MAGI2: variants seen among roughly 807,000 people sequenced by gnomAD.
MAGI2 encodes the protein membrane-associated guanylate kinase, WW and PDZ domain-containing protein 2.
A neutral mutation model predicts 133.3 loss-of-function variants in MAGI2; 35 were observed. The observed-to-expected ratio is 0.26, with a 90% confidence interval of 0.20 to 0.35. MAGI2 has a LOEUF of 0.35. Ranked by LOEUF, MAGI2 falls within the 10% of genes least tolerant of loss-of-function variation. The probability of loss-of-function intolerance (pLI) is 1.00; values close to 1 mark genes in which losing one functional copy is unlikely to be tolerated. For missense variants in MAGI2, 1,636 were observed against 1,863.4 expected (o/e 0.88, Z 2.25); for synonymous variants, 729 against 710.6 (o/e 1.03, Z -0.41).
intron 6 of MAGI2, among the ~76,000 whole-genome samples, chr7:78,449,341 T>G (rs774960187): frequency 6.6e-6 from 1 of 152,088 alleles, no homozygotes; most frequent in Admixed American, 6.6e-5. Flanking sequence ...ATCTGCACTA[T>G]TGTTTACTTA....
chr7:79,228,621 T>C (rs1389307161), intron 1 of MAGI2, among the ~76,000 whole-genome samples: 1 of 152,046 alleles, frequency 6.6e-6, no homozygotes, highest in East Asian at 1.9e-4. Context: ...CAATGAAAAC[T>C]AAGAAAATGA....
intron 3 of MAGI2, among the ~76,000 whole-genome samples, chr7:78,569,384 T>C (rs908065077): frequency 4.6e-5 from 7 of 152,202 alleles, no homozygotes; most frequent in Non-Finnish European, 1.0e-4. Context: ...CATATTTCAC[T>C]TGAATTTGCT....
chr7:78,534,270 G>A (rs1323278527), intron 3 of MAGI2, among the ~76,000 whole-genome samples: 1 of 152,126 alleles, frequency 6.6e-6, no homozygotes, highest in Non-Finnish European at 1.5e-5. Context: ...AAAAAAAATT[G>A]GAATTATGAT....
intron 2 of MAGI2, among the ~76,000 whole-genome samples, chr7:78,892,974 T>C (rs1207096710): frequency 6.6e-6 from 1 of 152,122 alleles, no homozygotes; most frequent in Non-Finnish European, 1.5e-5. Flanking sequence ...TTTCACAACC[T>C]ACTCATCTGA....
intron 21 of MAGI2, among the ~76,000 whole-genome samples, chr7:78,038,596 T>A (rs2151079222): frequency 6.6e-6 from 1 of 152,162 alleles, no homozygotes; most frequent in East Asian, 1.9e-4. Flanking sequence ...CTAGACCCAC[T>A]GAATCTGAAT....
At chr7:79,118,269 C>A (rs1819580179) in intron 1 of MAGI2, among the ~76,000 whole-genome samples, 2 of 152,116 alleles carry the variant, frequency 1.3e-5, no homozygotes, top group African/African-American at 4.8e-5. Context: ...TGGGTGTACA[C>A]TTTATGGTCA....
chr7:79,124,793 T>G, intron 1 of MAGI2: 1 of 160,766 alleles, frequency 6.2e-6, no homozygotes, highest in Non-Finnish European at 1.4e-5. Context: ...GTTGGGGGAG[T>G]TGAGCTTTGA....
intron 15 of MAGI2, among the ~76,000 whole-genome samples, chr7:78,161,373 G>C (rs1824959693): frequency 6.6e-6 from 1 of 152,116 alleles, no homozygotes; most frequent in South Asian, 2.1e-4. Flanking sequence ...AATGTAATTA[G>C]AAATAGGGTT....
chr7:79,255,180 G>T (rs1054677904), intron 1 of MAGI2, among the ~76,000 whole-genome samples: 13 of 152,128 alleles, frequency 8.5e-5, no homozygotes, highest in Non-Finnish European at 1.8e-4. Flanking sequence ...CCATGAAAAA[G>T]AGTGGGAGAC....
rs375350828 is a variant in MAGI2 at position 78,695,931 on chromosome 7, A to AT, written c.419-68693dup. 3.4e-3 allele frequency among the ~76,000 whole-genome samples: 510 copies of AT among 149,930 alleles called. 5 individuals carry two copies. Among genetic ancestry groups the AT allele is most frequent in the African/African-American group, 0.011 (468 of 40,824 alleles). ...CTTCTCATTGTATACCACATAGTTC[A>AT]TTTTTTTTTTCTTTTTAAAAGCATG... On this transcript the variant is annotated intron_variant, in intron 2 of 21. Coordinates refer to ENST00000354212, the MANE Select transcript of MAGI2 (RefSeq NM_012301.4).
chr7:78,967,655 T>C (rs1245385299), intron 2 of MAGI2, among the ~76,000 whole-genome samples: 4 of 151,986 alleles, frequency 2.6e-5, no homozygotes, highest in African/African-American at 9.7e-5. Context: ...CCAATTTCAT[T>C]CTTTTGCATG....
At chr7:78,217,531 AT>A (rs1347583560) in intron 10 of MAGI2, among the ~76,000 whole-genome samples, 1 of 152,204 alleles carries the variant, frequency 6.6e-6, no homozygotes, top group Non-Finnish European at 1.5e-5. Flanking sequence ...ATATTGTCAC[AT>A]TCTTTATGAA....
intron 3 of MAGI2, among the ~76,000 whole-genome samples, chr7:78,548,091 CAG>C: frequency 6.6e-6 from 1 of 150,886 alleles, no homozygotes; most frequent in South Asian, 2.1e-4. Context: ...ATTTTGCCTT[CAG>C]AGTTAGAAAG....
chr7:78,703,497 T>C (rs747303147), intron 2 of MAGI2, among the ~76,000 whole-genome samples: 1 of 152,036 alleles, frequency 6.6e-6, no homozygotes, highest in Non-Finnish European at 1.5e-5. Flanking sequence ...TTGCGTTGAA[T>C]GGATACAGAT....
At chr7:78,402,279 G>C (rs1158713807) in intron 6 of MAGI2, among the ~76,000 whole-genome samples, 1 of 149,272 alleles carries the variant, frequency 6.7e-6, no homozygotes, top group Non-Finnish European at 1.5e-5. Context: ...GTCCACCTGG[G>C]ATGTGTATGT....
At chr7:79,314,315 G>T (rs1563106208) in intron 1 of MAGI2, among the ~76,000 whole-genome samples, 1 of 151,908 alleles carries the variant, frequency 6.6e-6, no homozygotes, top group Admixed American at 6.6e-5. Context: ...CACCATGTTG[G>T]CCATGCTGGT....
intron 1 of MAGI2, among the ~76,000 whole-genome samples, chr7:79,244,570 A>G (rs1832685073): frequency 6.6e-6 from 1 of 152,212 alleles, no homozygotes; most frequent in Non-Finnish European, 1.5e-5. Context: ...GACCAGCCAT[A>G]GCCAGAGGGG....
intron 1 of MAGI2, among the ~76,000 whole-genome samples, chr7:79,189,477 T>C (rs1827465579): frequency 6.6e-6 from 1 of 151,782 alleles, no homozygotes; most frequent in Admixed American, 6.6e-5. Context: ...ATAGACTTTA[T>C]TTTTTAGAGT....
intron 2 of MAGI2, among the ~76,000 whole-genome samples, chr7:78,745,692 T>C (rs1488364609): frequency 6.6e-6 from 1 of 152,184 alleles, no homozygotes; most frequent in African/African-American, 2.4e-5. Context: ...TAAGAACAAG[T>C]TGCCCATTTA....
Sources: gnomAD v4.1 joint callset for allele counts (sites outside exome capture counted in the v4.1 genomes callset) on GRCh38, gnomAD v4.1.1 for gene constraint, MANE v1.5 for transcripts, NCBI Gene and HGNC (gene_info 2026-07-23, HGNC 2026-07-21) for gene names.